Variants in TRPS1 observed in about 807,000 individuals in gnomAD.
The protein encoded by TRPS1 is transcriptional repressor GATA binding 1, also known as zinc finger transcription factor Trps1.
In TRPS1, 6 loss-of-function variants were observed where a neutral mutation model predicts 101.2. That is an observed-to-expected ratio of 0.06 (90% CI 0.03 to 0.12). The LOEUF is 0.12. TRPS1 is among the 10% of genes least tolerant of loss of function. The pLI is 1.00. For synonymous variants in TRPS1, 578 were observed against 589.8 expected (o/e 0.98, Z 0.29); for missense variants, 1,363 against 1,567.0 (o/e 0.87, Z 2.20).
At chr8:115,587,695 A>G (rs995767082) in intron 4 of TRPS1, 91 bp from the exon 5 acceptor site, 3 of 1,596,978 alleles carry the variant, frequency 1.9e-6, no homozygotes, top group Non-Finnish European at 2.6e-6. Flanking sequence ...TTTTCTACCT[A>G]CTCATGCAAT....
At chr8:115,599,772 G>C (rs1586443887) in intron 4 of TRPS1, among the ~76,000 whole-genome samples, 1 of 152,090 alleles carries the variant, frequency 6.6e-6, no homozygotes, top group Non-Finnish European at 1.5e-5. Context: ...CCAAGTCTTT[G>C]CTATTGTGAA....
intron 4 of TRPS1, among the ~76,000 whole-genome samples, chr8:115,589,976 G>T (rs948049363): frequency 8.5e-5 from 13 of 152,090 alleles, no homozygotes; most frequent in African/African-American, 3.1e-4. Context: ...AATTAGCTGG[G>T]TGTGGTGGCG....
chr8:115,557,134 T>C (rs1816840236), intron 5 of TRPS1, among the ~76,000 whole-genome samples: 1 of 151,986 alleles, frequency 6.6e-6, no homozygotes, highest in African/African-American at 2.4e-5. Context: ...AACCACCTGA[T>C]CTCGTGAGAC....
intron 5 of TRPS1, among the ~76,000 whole-genome samples, chr8:115,457,995 A>G (rs1814070812): frequency 6.6e-6 from 1 of 152,196 alleles, no homozygotes; most frequent in Non-Finnish European, 1.5e-5. Context: ...TAAGAAGTCT[A>G]TGAGGTTCTG....
intron 5 of TRPS1, among the ~76,000 whole-genome samples, chr8:115,551,243 T>C (rs1054729659): frequency 2.6e-5 from 4 of 152,224 alleles, no homozygotes; most frequent in Non-Finnish European, 1.5e-5. Flanking sequence ...ATGATAGATT[T>C]GTAAAAAGTG....
At chr8:115,606,347 G>A (rs573978108) in intron 3 of TRPS1, among the ~76,000 whole-genome samples, 8 of 152,208 alleles carry the variant, frequency 5.3e-5, no homozygotes, top group African/African-American at 1.9e-4. Context: ...TTCTTCAACT[G>A]GGGCAACCTC....
At chr8:115,421,061 T>G (rs1813040467) in intron 5 of TRPS1, among the ~76,000 whole-genome samples, 1 of 151,730 alleles carries the variant, frequency 6.6e-6, no homozygotes, top group Non-Finnish European at 1.5e-5. Context: ...CTTGGCTCAC[T>G]GCAACCTCCA....
In TRPS1 at chr8:115,651,333, G is replaced by A. The variant is rs557413119; in HGVS notation, c.-122+17212C>T. Among the ~76,000 whole-genome samples, 307 of 152,234 alleles carry A rather than the reference G, an allele frequency of 2.0e-3. 1 individual carries two copies. The highest frequency in any genetic ancestry group is 6.5e-3 in the African/African-American group (270 of 41,516). On this transcript the variant is annotated intron_variant, in intron 1 of 6. Transcript: ENST00000395715. ...CACACTGCAAAATACAACATACTCC[G>A]TTGCAACCAGTGGTATCCTACCTTA...
rs1468049864 is a variant in TRPS1 at position 115,614,156 on chromosome 8, G to A, written c.966+4976C>T. ...GTATGCTGTAATTACAATGATCCAAGAAATAAAAAAACACTGAGTAACCTC... is the reference window on the plus strand; with the variant it reads ...GTATGCTGTAATTACAATGATCCAAAAAATAAAAAAACACTGAGTAACCTC... On this transcript the variant is annotated intron_variant, in intron 3 of 6. Coordinates refer to ENST00000395715, the MANE Select transcript of TRPS1 (RefSeq NM_014112.5). 2.6e-5 allele frequency among the ~76,000 whole-genome samples: 4 copies of A among 152,008 alleles called. No homozygotes were observed. The East Asian group carries it at 7.7e-4, about 29-fold the overall frequency.
At chr8:115,482,052 C>T (rs997394285) in intron 5 of TRPS1, among the ~76,000 whole-genome samples, 4 of 152,094 alleles carry the variant, frequency 2.6e-5, no homozygotes, top group African/African-American at 9.7e-5. Flanking sequence ...CTTGAGATAA[C>T]GTGGATGTTG....
intron 5 of TRPS1, among the ~76,000 whole-genome samples, chr8:115,488,147 C>T (rs1170535400): frequency 6.6e-6 from 1 of 152,190 alleles, no homozygotes; most frequent in African/African-American, 2.4e-5. Flanking sequence ...ATGACTATGA[C>T]TCCTTAGAGG....
At chr8:115,587,878 C>T (rs1352733952) in intron 4 of TRPS1, among the ~76,000 whole-genome samples, 3 of 152,216 alleles carry the variant, frequency 2.0e-5, no homozygotes, top group East Asian at 1.9e-4. Context: ...CACGCACGCA[C>T]GCTGCTCGTG....
At chr8:115,578,586 T>C (rs748332106) in intron 5 of TRPS1, among the ~76,000 whole-genome samples, 69 of 152,074 alleles carry the variant, frequency 4.5e-4, no homozygotes, top group Non-Finnish European at 7.4e-4. Context: ...TTGTGGGATG[T>C]ATTTGTTGAT....
intron 5 of TRPS1, among the ~76,000 whole-genome samples, chr8:115,504,026 C>T (rs2130158623): frequency 6.6e-6 from 1 of 152,170 alleles, no homozygotes; most frequent in East Asian, 1.9e-4. Context: ...ACATACTTCC[C>T]ATACAACTTG....
chr8:115,610,808 C>A (rs1380685312), intron 3 of TRPS1, among the ~76,000 whole-genome samples: 2 of 151,744 alleles, frequency 1.3e-5, no homozygotes, highest in Non-Finnish European at 2.9e-5. Flanking sequence ...GACAGAGTAC[C>A]AATAAATCTT....
At chr8:115,512,712 A>C (rs1314567107) in intron 5 of TRPS1, among the ~76,000 whole-genome samples, 2 of 151,788 alleles carry the variant, frequency 1.3e-5, no homozygotes, top group East Asian at 3.9e-4. Context: ...AACTTACTCC[A>C]TTAAAGTTTG....
At chr8:115,578,385 A>G (rs73703333) in intron 5 of TRPS1, among the ~76,000 whole-genome samples, 7,496 of 152,240 alleles carry the variant, frequency 0.049, 669 homozygotes, top group African/African-American at 0.17. Context: ...TCATTTAAAT[A>G]ACTGGAAATA....
intron 1 of TRPS1, among the ~76,000 whole-genome samples, chr8:115,652,401 T>C (rs993668208): frequency 1.3e-5 from 2 of 152,246 alleles, no homozygotes; most frequent in Non-Finnish European, 2.9e-5. Flanking sequence ...AGTAGGTTTC[T>C]CTTTTATCTG....
chr8:115,526,282 C>T (rs569320728), intron 5 of TRPS1, among the ~76,000 whole-genome samples: 16 of 151,848 alleles, frequency 1.1e-4, no homozygotes, highest in Middle Eastern at 3.4e-3. Context: ...TACACTCCAG[C>T]GTGGGTGACA....
Sources: allele counts gnomAD v4.1 joint callset (sites outside exome capture counted in the v4.1 genomes callset), GRCh38; gene constraint gnomAD v4.1.1; transcripts MANE v1.5; gene names NCBI Gene and HGNC (gene_info 2026-07-23, HGNC 2026-07-21).